The following MEIKIN variants were observed in gnomAD, a reference collection of about 807,000 sequenced individuals.
The protein encoded by MEIKIN is meiotic kinetochore factor.
intron 8 of MEIKIN, among the ~76,000 whole-genome samples, chr5:131,911,349 T>G (rs1282961513): frequency 6.6e-6 from 1 of 152,022 alleles, no homozygotes; most frequent in Non-Finnish European, 1.5e-5. Flanking sequence ...TAGAAAAATA[T>G]GAGATACAGC....
intron 9 of MEIKIN, among the ~76,000 whole-genome samples, chr5:131,877,254 T>C (rs1013174299): frequency 3.9e-5 from 6 of 152,072 alleles, no homozygotes; most frequent in Non-Finnish European, 5.9e-5. Flanking sequence ...ACTACTAACC[T>C]GCCTGGAATA....
intron 8 of MEIKIN, among the ~76,000 whole-genome samples, chr5:131,900,825 C>A (rs1311500098): frequency 6.6e-6 from 1 of 152,158 alleles, no homozygotes; most frequent in Non-Finnish European, 1.5e-5. Context: ...CTGCTCCTGA[C>A]TGGTACAGAG....
intron 5 of MEIKIN, among the ~76,000 whole-genome samples, chr5:131,927,927 C>T (rs868361772): frequency 6.6e-5 from 10 of 151,934 alleles, no homozygotes; most frequent in Non-Finnish European, 8.8e-5. Flanking sequence ...GGGCGGATCA[C>T]GAGGTCAGGA....
At chr5:131,840,872 C>A (rs893987548) in intron 11 of MEIKIN, among the ~76,000 whole-genome samples, 1 of 152,192 alleles carries the variant, frequency 6.6e-6, no homozygotes, top group Non-Finnish European at 1.5e-5. Context: ...CTGCCACATT[C>A]AGAATGCTTT....
chr5:131,928,182 T>G (rs933225365), intron 5 of MEIKIN, among the ~76,000 whole-genome samples: 1 of 151,938 alleles, frequency 6.6e-6, no homozygotes, highest in Non-Finnish European at 1.5e-5. Context: ...GGGTCACTTG[T>G]AGACATCACA....
At chr5:131,847,668 C>T (rs1012869039) in intron 11 of MEIKIN, among the ~76,000 whole-genome samples, 1 of 151,944 alleles carries the variant, frequency 6.6e-6, no homozygotes, top group Admixed American at 6.6e-5. Flanking sequence ...AGAGGACTTA[C>T]AATCAATTAA....
At chr5:131,845,202 A>G (rs1749992495) in intron 11 of MEIKIN, among the ~76,000 whole-genome samples, 1 of 146,086 alleles carries the variant, frequency 6.8e-6, no homozygotes, top group African/African-American at 2.6e-5. Flanking sequence ...CCTGGGAGGC[A>G]GAGTTTGCAG....
chr5:131,891,552 T>C (rs1256529035), intron 8 of MEIKIN, among the ~76,000 whole-genome samples: 5 of 152,212 alleles, frequency 3.3e-5, no homozygotes, highest in Non-Finnish European at 4.4e-5. Context: ...CTGCCTTTTT[T>C]TGTTTTCCAT....
chr5:131,896,978 C>T (rs898871377), intron 8 of MEIKIN, among the ~76,000 whole-genome samples: 1 of 152,190 alleles, frequency 6.6e-6, no homozygotes, highest in Non-Finnish European at 1.5e-5. Context: ...TTCCTAGCAT[C>T]GGTGGTCTTT....
intron 12 of MEIKIN, among the ~76,000 whole-genome samples, chr5:131,809,314 G>A (rs958430365): frequency 5.3e-5 from 8 of 152,170 alleles, no homozygotes; most frequent in African/African-American, 1.9e-4. Flanking sequence ...AGGCCTCCAC[G>A]ATGGCAAACT....
intron 8 of MEIKIN, among the ~76,000 whole-genome samples, chr5:131,911,410 C>A (rs536961607): frequency 6.6e-6 from 1 of 152,012 alleles, no homozygotes; most frequent in Admixed American, 6.6e-5. Context: ...TAATAGTAAA[C>A]TACATAAGGG....
intron 5 of MEIKIN, among the ~76,000 whole-genome samples, chr5:131,930,502 T>C (rs1452632168): frequency 2.0e-5 from 3 of 152,232 alleles, no homozygotes; most frequent in African/African-American, 7.2e-5. Context: ...TTAGGTCCCA[T>C]TTGTCAATTT....
At chr5:131,839,776 T>C (rs761133008) in intron 11 of MEIKIN, among the ~76,000 whole-genome samples, 3 of 152,222 alleles carry the variant, frequency 2.0e-5, no homozygotes, top group Non-Finnish European at 4.4e-5. Flanking sequence ...GGAGACAGCA[T>C]ACTGTTGGGT....
intron 4 of MEIKIN, among the ~76,000 whole-genome samples, chr5:131,937,152 G>C (rs1190709236): frequency 1.3e-5 from 2 of 152,040 alleles, no homozygotes; most frequent in African/African-American, 4.8e-5. Context: ...TAGATCCCAT[G>C]ATTTCTTCCT....
chr5:131,889,262 C>G (rs564800497), intron 8 of MEIKIN, among the ~76,000 whole-genome samples: 159 of 152,184 alleles, frequency 1.0e-3, no homozygotes, highest in African/African-American at 3.7e-3. Flanking sequence ...TCATTGGTAG[C>G]TTGATGGGGA....
At chr5:131,890,339 T>A (rs1256224611) in intron 8 of MEIKIN, among the ~76,000 whole-genome samples, 2 of 152,190 alleles carry the variant, frequency 1.3e-5, no homozygotes, top group African/African-American at 4.8e-5. Context: ...CTGGACTTTT[T>A]TTGGTTGGTA....
chr5:131,936,168 T>C (rs1186050105), intron 4 of MEIKIN, among the ~76,000 whole-genome samples: 1 of 152,238 alleles, frequency 6.6e-6, no homozygotes, highest in Admixed American at 6.5e-5. Flanking sequence ...TAAATGTTAA[T>C]GCTGTATCAG....
At chr5:131,822,709 T>C (rs1160084746) in intron 11 of MEIKIN, among the ~76,000 whole-genome samples, 1 of 152,214 alleles carries the variant, frequency 6.6e-6, no homozygotes, top group East Asian at 1.9e-4. Context: ...TCAAGAGAAG[T>C]TTACACACTG....
chr5:131,876,097 T>C (rs938825182), intron 9 of MEIKIN, among the ~76,000 whole-genome samples: 2 of 152,168 alleles, frequency 1.3e-5, no homozygotes, highest in Admixed American at 6.6e-5. Context: ...AAGGACTTCA[T>C]GTCTAAAACA....
Sources: allele counts gnomAD v4.1 joint callset (sites outside exome capture counted in the v4.1 genomes callset), GRCh38; gene constraint gnomAD v4.1.1; transcripts MANE v1.5; gene names NCBI Gene and HGNC (gene_info 2026-07-23, HGNC 2026-07-21).